The following SLC9B2 variants were observed in gnomAD, a reference collection of about 807,000 sequenced individuals.
The protein encoded by SLC9B2 is solute carrier family 9 member B2.
SLC9B2 carries 39 observed loss-of-function variants against 52.2 expected under a neutral mutation model. The observed-to-expected ratio is 0.75, with a 90% confidence interval of 0.58 to 0.98. The LOEUF (loss-of-function observed/expected upper bound fraction) is 0.98. Among genes scored for constraint, SLC9B2 ranks in the 50% least tolerant of loss-of-function variants. The pLI, the probability that SLC9B2 is intolerant of heterozygous loss-of-function variation, is 0.00. For synonymous variants in SLC9B2, 214 were observed against 227.0 expected (o/e 0.94, Z 0.51); for missense variants, 626 against 637.5 (o/e 0.98, Z 0.19).
At chr4:103,070,310 G>T (rs1041382083) in intron 1 of SLC9B2, among the ~76,000 whole-genome samples, 20 of 152,174 alleles carry the variant, frequency 1.3e-4, no homozygotes, top group African/African-American at 4.8e-4. Flanking sequence ...ATTGGGTCTT[G>T]AAATTACAAA....
chr4:103,044,629 TA>T (rs1743942756), intron 8 of SLC9B2, among the ~76,000 whole-genome samples: 1 of 152,190 alleles, frequency 6.6e-6, no homozygotes, highest in East Asian at 1.9e-4. Flanking sequence ...TTGCATATCC[TA>T]TTACTTTGGA....
intron 3 of SLC9B2, among the ~76,000 whole-genome samples, chr4:103,064,862 C>T (rs563215025): frequency 6.6e-6 from 1 of 151,966 alleles, no homozygotes; most frequent in South Asian, 2.1e-4. Flanking sequence ...TTATCTTTAT[C>T]TTTTGAAAAT....
rs956130891 is a variant in SLC9B2 at position 103,022,949 on chromosome 4, G to C, written c.*3421C>G. ...ACATGAGTGAGAGGGTGAGAATGTG[G>C]CCATTGGCAAGCCAGGGAGAGAGAC... On this transcript the variant is annotated 3_prime_UTR_variant, in exon 12 of 12. Coordinates refer to ENST00000394785, the MANE Select transcript of SLC9B2 (RefSeq NM_178833.7). Among the ~76,000 whole-genome samples the C allele has an allele frequency of 6.6e-6, 1 of 152,288 alleles. No homozygotes were observed. The highest frequency in any genetic ancestry group is 2.4e-5 in the African/African-American group (1 of 41,556).
chr4:103,031,732 A>C lies in SLC9B2; in HGVS notation c.1223T>G (p.Val408Gly), dbSNP rs369041521. ...TTCTGGTCTGAGAGATGCAATAGAT[A>C]CCTCTGCTCCAATTAGTCCAAAAAG... ...PLLFGLIGAEVSIASLRPETV... is the reference protein window; with the variant it reads ...PLLFGLIGAEGSIASLRPETV... The change falls in exon 10 of 12, where the codon GTA (valine) becomes GGA (glycine). Residue 408 changes from valine (V) to glycine (G), a missense_variant. Val to Gly is a moderately radical substitution (Grantham distance 109, BLOSUM62 -3). Coordinates refer to ENST00000394785, the MANE Select transcript of SLC9B2 (RefSeq NM_178833.7). The C allele has an allele frequency of 1.2e-5, 20 of 1,612,636 alleles. No individual in the cohort carries two copies. The highest frequency in any genetic ancestry group is 1.7e-5 in the Non-Finnish European group (20 of 1,179,174).
rs567597451 is a variant in SLC9B2 at position 103,024,670 on chromosome 4, G to A, written c.*1700C>T. ...GATTAAAATGAACTTTGAATTCTAG[G>A]TCGAGGAGTTTAGATAGGATATGAC... On this transcript the variant is annotated 3_prime_UTR_variant, in exon 12 of 12. Transcript: ENST00000394785. Among the ~76,000 whole-genome samples the A allele has an allele frequency of 1.2e-3, 176 of 152,222 alleles. No individual in the cohort carries two copies. Among genetic ancestry groups the A allele is most frequent in the African/African-American group, 4.1e-3 (170 of 41,512 alleles).
At chr4:103,039,064 T>TA (rs1323705447) in intron 9 of SLC9B2, among the ~76,000 whole-genome samples, 3 of 152,326 alleles carry the variant, frequency 2.0e-5, no homozygotes, top group East Asian at 3.9e-4. Flanking sequence ...ACATAATAGT[T>TA]ACAGCAATTT....
At chr4:103,052,784 C>G (rs571786058) in intron 4 of SLC9B2, among the ~76,000 whole-genome samples, 1 of 151,018 alleles carries the variant, frequency 6.6e-6, no homozygotes, top group South Asian at 2.1e-4. Context: ...TGGGCTCAAG[C>G]GATTCACCCA....
intron 11 of SLC9B2, among the ~76,000 whole-genome samples, chr4:103,028,102 T>G (rs56737966): frequency 6.6e-6 from 1 of 152,190 alleles, no homozygotes; most frequent in Non-Finnish European, 1.5e-5. Context: ...AACAAATGCA[T>G]GGTCAACAAA....
intron 9 of SLC9B2, among the ~76,000 whole-genome samples, chr4:103,041,777 T>C (rs1743667509): frequency 6.6e-6 from 1 of 152,148 alleles, no homozygotes. Flanking sequence ...TACTACAGCA[T>C]AGTACAACTC....
chr4:103,044,755 T>G (rs1302081192), intron 8 of SLC9B2, 135 bp downstream of exon 8: 1 of 719,502 alleles, frequency 1.4e-6, no homozygotes, highest in Non-Finnish European at 2.5e-6. Context: ...ATCTCATGGA[T>G]AGCAGTAAGC....
At chr4:103,058,034 T>C in intron 3 of SLC9B2, 63 bp from the exon 4 acceptor site, 1 of 1,377,660 alleles carries the variant, frequency 7.3e-7, no homozygotes, top group Non-Finnish European at 1.0e-6. Flanking sequence ...TTTGACAAAA[T>C]CTAAAATAAT....
intron 9 of SLC9B2, among the ~76,000 whole-genome samples, chr4:103,039,196 T>G (rs1743420315): frequency 6.6e-6 from 1 of 152,250 alleles, no homozygotes; most frequent in Non-Finnish European, 1.5e-5. Flanking sequence ...CCAATCTCCA[T>G]ATTTTAAATC....
chr4:103,029,849 G>A (rs968820819), intron 10 of SLC9B2, among the ~76,000 whole-genome samples: 4 of 152,064 alleles, frequency 2.6e-5, no homozygotes, highest in African/African-American at 7.2e-5. Context: ...TTATTTTATA[G>A]TTGAAAAAAC....
chr4:103,050,348 G>A lies in SLC9B2; in HGVS notation c.477C>T (p.Ile159=). The A allele has an allele frequency of 6.2e-7, 1 of 1,604,566 alleles. No individual in the cohort carries two copies. ...MLLAGFLIRN[I]PVINDNVQIK... ...TCTGCACATTATCGTTGATGACTGG[G>A]ATATTTCTGATGAGAAACCCTGCAA... is the stretch of plus-strand genomic sequence containing the variant. The change falls in exon 5 of 12, where the codon ATC becomes ATT. Residue 159 remains isoleucine, a synonymous_variant. Transcript: ENST00000394785.
chr4:103,068,007 C>T (rs979475474), intron 1 of SLC9B2, among the ~76,000 whole-genome samples: 26 of 152,210 alleles, frequency 1.7e-4, no homozygotes, highest in African/African-American at 5.3e-4. Flanking sequence ...TCATCCTTTT[C>T]GGAGAATCTA....
chr4:103,018,187 T>C (rs1741498555), downstream of SLC9B2, among the ~76,000 whole-genome samples: 2 of 152,128 alleles, frequency 1.3e-5, no homozygotes, highest in African/African-American at 4.8e-5. Context: ...AAATGAGAAG[T>C]ACTATAAAAA....
intron 11 of SLC9B2, among the ~76,000 whole-genome samples, chr4:103,028,518 G>A (rs1742417044): frequency 2.0e-5 from 3 of 151,960 alleles, no homozygotes; most frequent in African/African-American, 7.3e-5. Flanking sequence ...GGGATTTACT[G>A]GATTTTTACT....
intron 10 of SLC9B2, 79 bp downstream of exon 10, chr4:103,031,621 T>C (rs1302725739): frequency 1.0e-6 from 1 of 980,262 alleles, no homozygotes; most frequent in Non-Finnish European, 1.6e-6. Flanking sequence ...TTTCAATGAA[T>C]ATAAAAAGTA....
At chr4:103,031,327 C>T (rs2110577668) in intron 10 of SLC9B2, among the ~76,000 whole-genome samples, 1 of 152,172 alleles carries the variant, frequency 6.6e-6, no homozygotes, top group African/African-American at 2.4e-5. Flanking sequence ...TGGGTACAAA[C>T]TATAGAACTA....
Sources: allele counts gnomAD v4.1 joint callset (sites outside exome capture counted in the v4.1 genomes callset), GRCh38; gene constraint gnomAD v4.1.1; transcripts MANE v1.5; gene names NCBI Gene and HGNC (gene_info 2026-07-23, HGNC 2026-07-21).